The following KANSL1L variants were observed in gnomAD, a reference collection of about 807,000 sequenced individuals.
The protein encoded by KANSL1L is KAT8 regulatory NSL complex subunit 1 like, also known as KAT8 regulatory NSL complex subunit 1-like protein.
Under a neutral mutation model 108.6 loss-of-function variants are expected in KANSL1L, and 25 were observed. The ratio of observed to expected loss-of-function variants is 0.23; its 90% CI spans 0.17 to 0.32. KANSL1L has a LOEUF of 0.32. Among genes scored for constraint, KANSL1L ranks in the 10% least tolerant of loss-of-function variants. The probability of loss-of-function intolerance (pLI) is 1.00; values close to 1 mark genes in which losing one functional copy is unlikely to be tolerated. For missense variants in KANSL1L, 1,137 were observed against 1,125.7 expected, an observed-to-expected ratio of 1.01 and a Z score of -0.14; for synonymous variants, 405 against 395.1, an observed-to-expected ratio of 1.03 and a Z score of -0.30.
At chr2:210,165,478 A>C (rs1017794335) in intron 1 of KANSL1L, among the ~76,000 whole-genome samples, 25 of 152,234 alleles carry the variant, frequency 1.6e-4, no homozygotes, top group African/African-American at 5.3e-4. Context: ...GGTTATATTA[A>C]ATTTGTTATA....
At chr2:210,169,411 A>G (rs1688194497) in intron 1 of KANSL1L, among the ~76,000 whole-genome samples, 1 of 152,220 alleles carries the variant, frequency 6.6e-6, no homozygotes, top group African/African-American at 2.4e-5. Flanking sequence ...TTAAATGAAA[A>G]TACCATGTGG....
At chr2:210,149,430 A>G (rs2095287006) in intron 2 of KANSL1L, among the ~76,000 whole-genome samples, 1 of 152,160 alleles carries the variant, frequency 6.6e-6, no homozygotes, top group Non-Finnish European at 1.5e-5. Context: ...AAAGACAATG[A>G]AAATTTGTGT....
At chr2:210,100,945 A>T (rs193145978) in intron 4 of KANSL1L, among the ~76,000 whole-genome samples, 31 of 152,326 alleles carry the variant, frequency 2.0e-4, no homozygotes, top group Non-Finnish European at 4.4e-4. Flanking sequence ...GCCACCAAGT[A>T]TTTAAAAACA....
intron 3 of KANSL1L, among the ~76,000 whole-genome samples, chr2:210,113,672 T>C (rs990687009): frequency 6.6e-6 from 1 of 151,894 alleles, no homozygotes; most frequent in Non-Finnish European, 1.5e-5. Context: ...GCTAAAAAAA[T>C]GATGTGAAAA....
At chr2:210,024,286 C>A in intron 13 of KANSL1L, 85 bp from the exon 14 acceptor site, 5 of 1,032,620 alleles carry the variant, frequency 4.8e-6, no homozygotes, top group Non-Finnish European at 6.8e-6. Flanking sequence ...ATCACTGAGT[C>A]AAGTTAACTT....
chr2:210,044,109 A>T lies in KANSL1L; in HGVS notation c.1756-5T>A. The T allele has an allele frequency of 6.4e-7, 1 of 1,573,656 alleles. No homozygotes were observed. The highest frequency in any genetic ancestry group is 8.6e-7 in the Non-Finnish European group (1 of 1,160,082). On this transcript the variant is annotated splice_region_variant and splice_polypyrimidine_tract_variant and intron_variant, in intron 6 of 14. Transcript: ENST00000281772. This position sits in a 1 kb window ranked among gnomAD's most constrained non-coding sequence, Gnocchi z 4.2. ...TGTTTCTTTTGAAGGCAAAGTCTGC[A>T]AGGAAAAACCGTATTAGAATATCAC...
intron 2 of KANSL1L, among the ~76,000 whole-genome samples, chr2:210,129,648 G>A (rs2095102089): frequency 1.3e-5 from 2 of 151,982 alleles, no homozygotes; most frequent in South Asian, 4.2e-4. Flanking sequence ...GTTAAAATAG[G>A]CATCGTTATT....
At chr2:210,118,634 C>T (rs922615744) in intron 3 of KANSL1L, among the ~76,000 whole-genome samples, 10 of 151,974 alleles carry the variant, frequency 6.6e-5, no homozygotes, top group African/African-American at 1.9e-4. Context: ...ACTGCTTGAG[C>T]TCAGGAGTTT....
chr2:210,111,508 G>T (rs2094904591), intron 3 of KANSL1L, among the ~76,000 whole-genome samples: 3 of 152,072 alleles, frequency 2.0e-5, no homozygotes, highest in Non-Finnish European at 2.9e-5. Flanking sequence ...ACCGCAAAGA[G>T]GAAGGAATGA....
rs1191581516 is a variant in KANSL1L at position 210,021,657 on chromosome 2, A to G, written c.*1292T>C. 1 of 152,532 alleles carries G rather than the reference A, an allele frequency of 6.6e-6. No homozygotes were observed. Among genetic ancestry groups the G allele is most frequent in the Non-Finnish European group, 1.5e-5 (1 of 67,966 alleles). The allele number at this position is 152,532 out of a possible 1,614,324, so 9.4% of individuals were successfully genotyped here. A position where few individuals can be genotyped will look rare whatever the true frequency, so the allele number is the denominator to read the frequency against. ...AATCTCTAACAAAAACTTAGTGTCA[A>G]ATCTCACAGATAAGGCCAAATGGCC... On this transcript the variant is annotated 3_prime_UTR_variant, in exon 15 of 15. Coordinates refer to ENST00000281772, the MANE Select transcript of KANSL1L (RefSeq NM_152519.4).
At chr2:210,164,084 T>A (rs1344450457) in intron 1 of KANSL1L, among the ~76,000 whole-genome samples, 1 of 152,156 alleles carries the variant, frequency 6.6e-6, no homozygotes, top group Non-Finnish European at 1.5e-5. Flanking sequence ...TTGCTACTAC[T>A]AGACATATTT....
chr2:210,024,852 TGTTA>T (rs1207855430), intron 13 of KANSL1L, among the ~76,000 whole-genome samples: 2 of 152,202 alleles, frequency 1.3e-5, no homozygotes, highest in Non-Finnish European at 2.9e-5. Flanking sequence ...TCACATTATT[TGTTA>T]GTTAAATCCA....
At chr2:210,142,685 G>T (rs2095238933) in intron 2 of KANSL1L, among the ~76,000 whole-genome samples, 1 of 152,002 alleles carries the variant, frequency 6.6e-6, no homozygotes, top group African/African-American at 2.4e-5. Context: ...TTTCTCTCAA[G>T]ATATTTTAAA....
At chr2:210,158,317 G>GTCTCCAACCAACATATAGCAA (rs1371005192) in intron 1 of KANSL1L, among the ~76,000 whole-genome samples, 32 of 152,242 alleles carry the variant, frequency 2.1e-4, no homozygotes, top group African/African-American at 7.7e-4. Context: ...TAGAAATGAT[G>GTCTCCAACCAACATATAGCAA]TCTCCAACCA....
intron 1 of KANSL1L, among the ~76,000 whole-genome samples, chr2:210,163,518 A>G (rs965168563): frequency 3.9e-5 from 6 of 151,986 alleles, no homozygotes; most frequent in African/African-American, 1.4e-4. Context: ...CCAACCAAGA[A>G]CTGTGGGACA....
chr2:210,154,164 T>C lies in KANSL1L; in HGVS notation c.419A>G (p.Asp140Gly). The change falls in exon 2 of 15, where the codon GAT becomes GGT. Residue 140 changes from aspartate (D) to glycine (G), a missense_variant. By Grantham distance (94) the Asp-to-Gly change is moderately conservative. Coordinates refer to ENST00000281772, the MANE Select transcript of KANSL1L (RefSeq NM_152519.4). ...EEFIKKEPLSDTTSQCMKDVQ... is the reference protein window; with the variant it reads ...EEFIKKEPLSGTTSQCMKDVQ... ...ATCTTTCATGCACTGGCTCGTGGTA[T>C]CTGATAGAGGCTCCTTTTTGATGAA... 6.2e-7 allele frequency: 1 copy of C among 1,614,042 alleles called. No individual in the cohort carries two copies. The highest frequency in any genetic ancestry group is 1.7e-5 in the Admixed American group (1 of 60,016).
In KANSL1L at chr2:210,129,100, A is replaced by G. The variant is rs1368079057; in HGVS notation, c.1161T>C (p.Ala387=). The G allele has an allele frequency of 2.5e-6, 4 of 1,613,934 alleles. No homozygotes were observed. Among genetic ancestry groups the G allele is most frequent in the Non-Finnish European group, 3.4e-6 (4 of 1,179,836 alleles). ...TTTTGCATTCTAGGTCTGAAATCTGAGCTTGAAGCCAAGTCCATCGGCTGC... is the reference window on the plus strand; with the variant it reads ...TTTTGCATTCTAGGTCTGAAATCTGGGCTTGAAGCCAAGTCCATCGGCTGC... ...RVGSRWTWLQ[A]QISDLECKIQ... is the part of the protein sequence containing the mutation. The change falls in exon 3 of 15, where the codon GCT becomes GCC. Residue 387 remains alanine (A), a synonymous_variant. Coordinates refer to ENST00000281772, the MANE Select transcript of KANSL1L (RefSeq NM_152519.4).
At chr2:210,081,696 C>T (rs994159214) in intron 5 of KANSL1L, among the ~76,000 whole-genome samples, 1 of 152,160 alleles carries the variant, frequency 6.6e-6, no homozygotes, top group Non-Finnish European at 1.5e-5. Flanking sequence ...TGGAGAAATA[C>T]TGTACATACA....
intron 6 of KANSL1L, among the ~76,000 whole-genome samples, chr2:210,071,518 C>T (rs1222934711): frequency 6.6e-6 from 1 of 152,122 alleles, no homozygotes; most frequent in African/African-American, 2.4e-5. Context: ...ATCCACCCCC[C>T]TCGGCCTCCC....
Sources: allele counts gnomAD v4.1 joint callset (sites outside exome capture counted in the v4.1 genomes callset), GRCh38; gene constraint gnomAD v4.1.1; non-coding constraint Gnocchi (gnomAD v3.1); transcripts MANE v1.5; gene names NCBI Gene and HGNC (gene_info 2026-07-23, HGNC 2026-07-21).